The following CPXM2 variants were observed in gnomAD, a reference collection of about 807,000 sequenced individuals.
CPXM2 encodes carboxypeptidase X, M14 family member 2.
In CPXM2, 66 loss-of-function variants were observed where a neutral mutation model predicts 86.1. The observed-to-expected ratio is 0.77, with a 90% CI of 0.63 to 0.94. CPXM2 has a LOEUF of 0.94. Ranked by LOEUF, CPXM2 falls within the 40% of genes least tolerant of loss-of-function variation. The pLI, the probability that CPXM2 is intolerant of heterozygous loss-of-function variation, is 0.00. For missense variants in CPXM2, 948 were observed against 1,026.3 expected, an observed-to-expected ratio of 0.92 and a Z score of 1.04; for synonymous variants, 388 against 400.2, an observed-to-expected ratio of 0.97 and a Z score of 0.36.
intron 2 of CPXM2, among the ~76,000 whole-genome samples, chr10:123,923,009 G>A (rs533111956): frequency 1.3e-5 from 2 of 152,246 alleles, no homozygotes; most frequent in African/African-American, 4.8e-5. Context: ...CCCTCGCCTA[G>A]GAAGTATTTC....
At chr10:123,809,113 C>A (rs1489287860) in intron 4 of CPXM2, among the ~76,000 whole-genome samples, 1 of 152,042 alleles carries the variant, frequency 6.6e-6, no homozygotes, top group African/African-American at 2.4e-5. Context: ...AGGCTTCCTG[C>A]CCATTAGTCA....
At chr10:123,934,184 C>T (rs1024424188) in intron 2 of CPXM2, among the ~76,000 whole-genome samples, 1 of 152,162 alleles carries the variant, frequency 6.6e-6, no homozygotes, top group African/African-American at 2.4e-5. Flanking sequence ...CCAATGACAC[C>T]GAGCCCTGCA....
intron 2 of CPXM2, among the ~76,000 whole-genome samples, chr10:123,929,827 C>A (rs1273870849): frequency 6.6e-6 from 1 of 152,216 alleles, no homozygotes; most frequent in African/African-American, 2.4e-5. Context: ...AGCTCTGGAT[C>A]CCTGCCAAAG....
At chr10:123,845,637 A>G (rs1189276493) in intron 3 of CPXM2, among the ~76,000 whole-genome samples, 2 of 152,150 alleles carry the variant, frequency 1.3e-5, no homozygotes, top group Non-Finnish European at 2.9e-5. Flanking sequence ...AAGCAGAGGA[A>G]GAAATCCAGA....
intron 4 of CPXM2, among the ~76,000 whole-genome samples, chr10:123,813,123 C>G (rs1440714571): frequency 6.6e-6 from 1 of 152,182 alleles, no homozygotes; most frequent in Admixed American, 6.5e-5. Flanking sequence ...ATGCCACATT[C>G]ATCTCTTAAA....
chr10:123,857,574 G>A (rs1444824836), intron 3 of CPXM2, among the ~76,000 whole-genome samples: 6 of 130,468 alleles, frequency 4.6e-5, no homozygotes, highest in African/African-American at 1.1e-4. Context: ...GGAAGGCGGC[G>A]TGGAGATGGA....
In CPXM2 at chr10:123,745,936, G is replaced by C. The variant is rs533505350; in HGVS notation, c.*828C>G. 1 of 151,992 alleles carries C rather than the reference G, an allele frequency of 6.6e-6. No homozygotes were observed. The highest frequency in any genetic ancestry group is 2.1e-4 in the South Asian group (1 of 4,808). 9.4% of individuals were successfully genotyped at this position (151,992 alleles called of 1,614,324 possible). A position where few individuals can be genotyped will look rare whatever the true frequency, so the allele number is the denominator to read the frequency against. On this transcript the variant is annotated 3_prime_UTR_variant, in exon 14 of 14. Coordinates refer to ENST00000241305, the MANE Select transcript of CPXM2 (RefSeq NM_198148.3). Reference sequence around the variant, plus strand: ...AGGGCTTCAGGCCACCCCACTTCTGGCTCTTTCCAGTCCTAGCAGGTAAAA... The same window carrying C: ...AGGGCTTCAGGCCACCCCACTTCTGCCTCTTTCCAGTCCTAGCAGGTAAAA...
At chr10:123,806,181 T>C (rs1847575193) in intron 4 of CPXM2, among the ~76,000 whole-genome samples, 1 of 152,192 alleles carries the variant, frequency 6.6e-6, no homozygotes, top group African/African-American at 2.4e-5. Flanking sequence ...GTACGCTTTT[T>C]CAGTTTTTGT....
chr10:123,848,586 A>T lies in CPXM2; in HGVS notation c.514-6098T>A, dbSNP rs1848542369. On this transcript the variant is annotated intron_variant, in intron 3 of 13. Coordinates refer to ENST00000241305, the MANE Select transcript of CPXM2 (RefSeq NM_198148.3). Reference sequence around the variant, plus strand: ...TATACTAACTGAAAAAGAAACAGGCAAATGTTTTCACATCAACATTCTAAT... The same window carrying T: ...TATACTAACTGAAAAAGAAACAGGCTAATGTTTTCACATCAACATTCTAAT... Among the ~76,000 whole-genome samples, 2 of 152,268 alleles carry T rather than the reference A, an allele frequency of 1.3e-5. 1 individual carries two copies. The highest frequency in any genetic ancestry group is 4.1e-4 in the South Asian group (2 of 4,834).
intron 2 of CPXM2, among the ~76,000 whole-genome samples, chr10:123,915,532 T>C (rs568047133): frequency 1.3e-5 from 2 of 151,816 alleles, no homozygotes; most frequent in African/African-American, 4.8e-5. Flanking sequence ...CAGTACAGCC[T>C]GGGCAACAGA....
intron 2 of CPXM2, among the ~76,000 whole-genome samples, chr10:123,918,969 G>A (rs1051320862): frequency 6.6e-6 from 1 of 152,186 alleles, no homozygotes; most frequent in African/African-American, 2.4e-5. Context: ...CACCAGGAAA[G>A]GGGGCCACTG....
In CPXM2 at chr10:123,891,746, G is replaced by A. The variant is rs1056278864; in HGVS notation, c.-87C>T. 2.9e-6 allele frequency: 3 copies of A among 1,045,028 alleles called. No homozygotes were observed. Among genetic ancestry groups the A allele is most frequent in the Non-Finnish European group, 2.5e-6 (2 of 805,040 alleles). 64.7% of individuals were successfully genotyped at this position (1,045,028 alleles called of 1,614,324 possible). ...GGCGCAGAAGCTGGCGCGGGGCAAG[G>A]GCGCAGGGCACAGCAGAGCGGCGCG... On this transcript the variant is annotated 5_prime_UTR_variant, in exon 1 of 14. Coordinates refer to ENST00000241305, the MANE Select transcript of CPXM2 (RefSeq NM_198148.3). This position sits in a 1 kb window ranked among gnomAD's most constrained non-coding sequence, Gnocchi z 5.6.
rs556759849 is a variant in CPXM2, at chr10:123,771,516, G to C, written c.979-477C>G. Among the ~76,000 whole-genome samples, 3 of 152,304 alleles carry C rather than the reference G, an allele frequency of 2.0e-5. No individual in the cohort carries two copies. The East Asian group carries it at 5.8e-4, about 29-fold the overall frequency. The stretch of plus-strand genomic sequence containing the variant: ...AGCACGATGACGGCCCTGTGAACCA[G>C]AGAGTGAGCCCTCACCAGACCCTAG... On this transcript the variant is annotated intron_variant, in intron 7 of 13. Transcript: ENST00000241305.
At chr10:123,757,184 C>G (rs750070938) in intron 12 of CPXM2, 29 bp downstream of exon 12, 1 of 1,607,472 alleles carries the variant, frequency 6.2e-7, no homozygotes, top group Non-Finnish European at 8.5e-7. Flanking sequence ...GCTAGTCCCC[C>G]TCATCCCAGC....
At chr10:123,914,025 C>T (rs1945513627) in intron 2 of CPXM2, 2 of 496,946 alleles carry the variant, frequency 4.0e-6, no homozygotes, top group Non-Finnish European at 8.1e-6. Flanking sequence ...TTTCAGAATC[C>T]AACCTTAAAG....
chr10:123,844,698 T>C (rs1011409276), intron 3 of CPXM2, among the ~76,000 whole-genome samples: 1 of 152,030 alleles, frequency 6.6e-6, no homozygotes. Flanking sequence ...AAAAGACATA[T>C]GAAAGCCCTA....
intron 6 of CPXM2, among the ~76,000 whole-genome samples, chr10:123,785,897 T>G (rs1419413258): frequency 6.6e-6 from 1 of 152,194 alleles, no homozygotes. Context: ...CCTCCCAAAG[T>G]GCTGGGATTA....
At chr10:123,845,868 A>C (rs1160862052) in intron 3 of CPXM2, among the ~76,000 whole-genome samples, 1 of 152,224 alleles carries the variant, frequency 6.6e-6, no homozygotes, top group Admixed American at 6.5e-5. Flanking sequence ...GAGGAATAAG[A>C]ATGACATCAG....
At position 123,761,872 on chromosome 10, in the gene CPXM2, T is replaced by G; in HGVS notation, c.1777A>C (p.Ser593Arg). The G allele has an allele frequency of 6.2e-7, 1 of 1,612,630 alleles. No homozygotes were observed. Among genetic ancestry groups the G allele is most frequent in the Non-Finnish European group, 8.5e-7 (1 of 1,179,538 alleles). Residue 593 changes from serine to arginine, a missense_variant and splice_region_variant, in exon 11 of 14, where the codon AGT (serine) becomes CGT (arginine). Transcript: ENST00000241305. ...NGASWHTVAG[S>R]LNDFSYLHTN... is the part of the protein sequence containing the mutation. Reference sequence around the variant, plus strand: ...CACTCTCCCCCAGAGGGAGGCTTACTTCCAGCGACGGTGTGCCAGGAGGCC... The same window carrying G: ...CACTCTCCCCCAGAGGGAGGCTTACGTCCAGCGACGGTGTGCCAGGAGGCC...
Sources: allele counts gnomAD v4.1 joint callset (sites outside exome capture counted in the v4.1 genomes callset), GRCh38; gene constraint gnomAD v4.1.1; non-coding constraint Gnocchi (gnomAD v3.1); transcripts MANE v1.5; gene names NCBI Gene and HGNC (gene_info 2026-07-23, HGNC 2026-07-21).